Variants in ZNF844 observed in about 807,000 individuals in gnomAD.
ZNF844 encodes the protein zinc finger protein 844.
Under a neutral mutation model 11.4 loss-of-function variants are expected in ZNF844, and 11 were observed. The observed-to-expected ratio is 0.97, with a 90% confidence interval of 0.61 to 1.60. The LOEUF (loss-of-function observed/expected upper bound fraction) is 1.60, where lower values mean the gene tolerates loss of function less well. ZNF844 is among the 40% of genes most tolerant of loss of function. ZNF844 has a pLI of 0.00. For synonymous variants in ZNF844, 248 were observed against 260.3 expected, an observed-to-expected ratio of 0.95 and a Z score of 0.46; for missense variants, 790 against 796.8, an observed-to-expected ratio of 0.99 and a Z score of 0.10.
Position 12,077,188 on chromosome 19 carries a change from G to A in ZNF844, c.*67G>A. ...TCTGGTTCCTTTCAGTGTCATAAAA[G>A]GATTCACACTGGAGAGAAACCCTAT... On this transcript the variant is annotated 3_prime_UTR_variant, in exon 4 of 4. Coordinates refer to ENST00000439326, the MANE Select transcript of ZNF844 (RefSeq NM_001136501.3). 6.2e-7 allele frequency: 1 copy of A among 1,603,468 alleles called. No individual in the cohort carries two copies. Among genetic ancestry groups the A allele is most frequent in the Non-Finnish European group, 8.5e-7 (1 of 1,175,180 alleles).
In ZNF844 at chr19:12,076,444, A is replaced by G. The variant is rs750117999; in HGVS notation, c.1324A>G (p.Thr442Ala). Residue 442 changes from threonine (T) to alanine (A), a missense_variant, in exon 4 of 4, where the codon ACA becomes GCA. By Grantham distance (58) the Thr-to-Ala change is moderately conservative. Coordinates refer to ENST00000439326, the MANE Select transcript of ZNF844 (RefSeq NM_001136501.3). ...PLPFDIMKGL[T>A]LERNRMSVSN... ...TCCTTTCGATATCATGAAAGGACTC[A>G]CACTGGAGAGAAACCGTATGAGTGT... The G allele has an allele frequency of 1.9e-6, 3 of 1,614,104 alleles. No individual in the cohort carries two copies. The East Asian group carries it at 6.7e-5, about 36-fold the overall frequency.
chr19:12,067,580 T>G (rs988808699), intron 1 of ZNF844, among the ~76,000 whole-genome samples: 1 of 123,478 alleles, frequency 8.1e-6, no homozygotes, highest in Non-Finnish European at 1.6e-5. Context: ...GCACTATAGC[T>G]TGGGCAACAA....
At position 12,075,651 on chromosome 19, in the gene ZNF844, C is replaced by T; in HGVS notation, c.531C>T (p.Thr177=). ...KLYDCKECGK[T]FISHSSIQRH... ...ATGATTGTAAAGAATGTGGAAAAAC[C>T]TTCATATCCCATTCAAGCATTCAAA... The change falls in exon 4 of 4, where the codon ACC becomes ACT. Residue 177 remains threonine (T), a synonymous_variant. Coordinates refer to ENST00000439326, the MANE Select transcript of ZNF844 (RefSeq NM_001136501.3). 6.2e-7 allele frequency: 1 copy of T among 1,611,616 alleles called. No homozygotes were observed. The highest frequency in any genetic ancestry group is 8.5e-7 in the Non-Finnish European group (1 of 1,179,260).
intron 1 of ZNF844, among the ~76,000 whole-genome samples, chr19:12,070,439 G>A (rs2145544078): frequency 6.6e-6 from 1 of 152,298 alleles, no homozygotes; most frequent in East Asian, 1.9e-4. Context: ...ACTCTACCCT[G>A]TAGTCCTCTC....
rs553551075 is a variant in ZNF844 at position 12,065,211 on chromosome 19, T to G, written c.3+335T>G. 2.0e-3 allele frequency among the ~76,000 whole-genome samples: 302 copies of G among 152,150 alleles called. 1 individual carries two copies. Among genetic ancestry groups the G allele is most frequent in the African/African-American group, 6.8e-3 (281 of 41,562 alleles). On this transcript the variant is annotated intron_variant, in intron 1 of 3. Coordinates refer to ENST00000439326, the MANE Select transcript of ZNF844 (RefSeq NM_001136501.3). ...GGAGGGTCATGGGGGCAATCCCGCC[T>G]TGGGTGTGGGGCTCGTGCGGGAGGA... is the stretch of plus-strand genomic sequence containing the variant.
intron 3 of ZNF844, among the ~76,000 whole-genome samples, chr19:12,075,045 T>A (rs1975791667): frequency 6.6e-6 from 1 of 152,106 alleles, no homozygotes; most frequent in Non-Finnish European, 1.5e-5. Context: ...CTTTCCTGGA[T>A]AATGTTGAAA....
In ZNF844 at chr19:12,075,935, G is replaced by A; in HGVS notation, c.815G>A (p.Arg272Lys). The A allele has an allele frequency of 1.3e-6, 2 of 1,599,174 alleles. No individual in the cohort carries two copies. Among genetic ancestry groups the A allele is most frequent in the South Asian group, 1.1e-5 (1 of 89,738 alleles). Residue 272 changes from arginine (R) to lysine (K), a missense_variant, in exon 4 of 4, where the codon AGA (arginine) becomes AAA (lysine). By Grantham distance (26) the Arg-to-Lys change is conservative. This residue lies in a region of ZNF844 where 657 missense variants were observed against 636.2 expected (regional missense o/e 1.03). Transcript: ENST00000439326. ...FGSPNSLYEH[R>K]RTHTGEKPYE... is the part of the protein sequence containing the mutation. ...AGTCCCAATTCCCTTTATGAACATA[G>A]AAGAACTCACACTGGAGAGAAGCCA... is the stretch of plus-strand genomic sequence containing the variant.
chr19:12,066,129 T>A (rs1246029255), intron 1 of ZNF844, among the ~76,000 whole-genome samples: 1 of 151,982 alleles, frequency 6.6e-6, no homozygotes, highest in African/African-American at 2.4e-5. Context: ...TTTCGCCATG[T>A]TGCCCAGGCT....
At position 12,064,800 on chromosome 19, in the gene ZNF844, A is replaced by G. The variant is rs954260682; in HGVS notation, c.-74A>G. 1.0e-4 allele frequency: 152 copies of G among 1,520,378 alleles called. No homozygotes were observed. The highest frequency in any genetic ancestry group is 1.3e-4 in the Non-Finnish European group (149 of 1,127,176). 94.2% of individuals were successfully genotyped at this position (1,520,378 alleles called of 1,614,324 possible). The stretch of plus-strand genomic sequence containing the variant: ...CCTGCTCTGAGAGGGACCGGTTGCC[A>G]CCGCCATACTTCTGTCGCCCTGTCG... On this transcript the variant is annotated 5_prime_UTR_variant, in exon 1 of 4. Transcript: ENST00000439326.
rs1975780548 is a variant in ZNF844, at chr19:12,074,066, C to T, written c.39C>T (p.Phe13=). ...LVAFEDVAVN[F]TQEEWSLLDP... ...CTTTCGAGGATGTGGCTGTGAACTT[C>T]ACCCAGGAGGAGTGGTCTTTGCTGG... Residue 13 remains phenylalanine, a synonymous_variant, in exon 2 of 4, where the codon TTC becomes TTT. Transcript: ENST00000439326. The T allele has an allele frequency of 2.5e-6, 4 of 1,613,658 alleles. No homozygotes were observed. The highest frequency in any genetic ancestry group is 1.1e-5 in the South Asian group (1 of 91,080).
chr19:12,074,499 T>A, intron 3 of ZNF844, 78 bp downstream of exon 3: 1 of 998,312 alleles, frequency 1.0e-6, no homozygotes, highest in South Asian at 1.5e-5. Flanking sequence ...AAGAAGCAAA[T>A]AAAGGAAATA....
chr19:12,077,452 G>T lies in ZNF844; in HGVS notation c.*331G>T. On this transcript the variant is annotated 3_prime_UTR_variant, in exon 4 of 4. Coordinates refer to ENST00000439326, the MANE Select transcript of ZNF844 (RefSeq NM_001136501.3). ...CAGTATCATGAAAAGACCCACACCA[G>T]AGAGAAACACTATGAATGTAAGCAG... 1.6e-6 allele frequency: 1 copy of T among 620,338 alleles called. No individual in the cohort carries two copies. The highest frequency in any genetic ancestry group is 3.0e-6 in the Non-Finnish European group (1 of 328,090). 38.4% of individuals were successfully genotyped at this position (620,338 alleles called of 1,614,324 possible). A position where few individuals can be genotyped will look rare whatever the true frequency, so the allele number is the denominator to read the frequency against.
At position 12,065,636 on chromosome 19, in the gene ZNF844, ATTT is replaced by A. The variant is rs35958243; in HGVS notation, c.3+775_3+777del. On this transcript the variant is annotated intron_variant, in intron 1 of 3. Coordinates refer to ENST00000439326, the MANE Select transcript of ZNF844 (RefSeq NM_001136501.3). ...TTTTCTTTAATATTTTTTTCTTACA[ATTT>A]TTTTTTTTTTTTTTAAGACAGAGTC... Among the ~76,000 whole-genome samples the A allele has an allele frequency of 2.8e-3, 393 of 142,872 alleles. 7 individuals carry two copies. Among genetic ancestry groups the A allele is most frequent in the African/African-American group, 9.5e-3 (368 of 38,910 alleles). The allele number at this position is 142,872 out of a possible 152,430, so 93.7% of individuals were successfully genotyped here.
Position 12,076,793 on chromosome 19 carries a change from A to G in ZNF844, c.1673A>G (p.Asn558Ser), listed in dbSNP as rs773651127. The G allele has an allele frequency of 5.7e-6, 9 of 1,569,882 alleles. No individual in the cohort carries two copies. The African/African-American group carries it at 1.1e-4, about 19-fold the overall frequency. Residue 558 changes from asparagine to serine, a missense_variant, in exon 4 of 4, where the codon AAC becomes AGC. Coordinates refer to ENST00000439326, the MANE Select transcript of ZNF844 (RefSeq NM_001136501.3). Reference protein sequence around the residue: ...KFMKRHTLERNPIRNMEKHST... With the variant: ...KFMKRHTLERSPIRNMEKHST... ...ATGAAAAGACACACCCTGGAGAGAAACCCTATAAGGAATATGGAAAAGCAT... is the reference window on the plus strand; with the variant it reads ...ATGAAAAGACACACCCTGGAGAGAAGCCCTATAAGGAATATGGAAAAGCAT...
Position 12,080,289 on chromosome 19 carries a change from G to C in ZNF844, c.*3168G>C. The C allele has an allele frequency of 4.0e-6, 1 of 249,008 alleles. No individual in the cohort carries two copies. The highest frequency in any genetic ancestry group is 3.8e-5 in the South Asian group (1 of 26,084). The allele number at this position is 249,008 out of a possible 1,614,324, so 15.4% of individuals were successfully genotyped here. ...GGCGTGAATCCAGGAGGCAGAGCTT[G>C]CAGTGAACCGAGATCGCGCCACTGC... On this transcript the variant is annotated 3_prime_UTR_variant, in exon 4 of 4. Transcript: ENST00000439326.
At chr19:12,066,818 T>C (rs1252113306) in intron 1 of ZNF844, among the ~76,000 whole-genome samples, 1 of 151,932 alleles carries the variant, frequency 6.6e-6, no homozygotes, top group Admixed American at 6.6e-5. Flanking sequence ...AGTGCTGGGA[T>C]TACAGGCGTG....
intron 1 of ZNF844, among the ~76,000 whole-genome samples, chr19:12,066,442 C>G (rs1975688945): frequency 2.0e-5 from 3 of 151,980 alleles, no homozygotes; most frequent in East Asian, 2.0e-4. Context: ...TCTGTTCCCC[C>G]CGCCCCGACT....
intron 3 of ZNF844, 78 bp from the exon 4 acceptor site, chr19:12,075,234 T>C: frequency 2.9e-6 from 3 of 1,019,136 alleles, no homozygotes; most frequent in Non-Finnish European, 3.8e-6. Context: ...TAAAATAAAA[T>C]GCAAGTGTAA....
In ZNF844 at chr19:12,077,145, G is replaced by T; in HGVS notation, c.*24G>T. The T allele has an allele frequency of 5.0e-6, 8 of 1,601,772 alleles. No homozygotes were observed. Among genetic ancestry groups the T allele is most frequent in the Non-Finnish European group, 6.8e-6 (8 of 1,174,266 alleles). The stretch of plus-strand genomic sequence containing the variant: ...GAAACCGTATGAATGCAAGGAATGT[G>T]GCAAAGCCTTCACTTCTTCTGGTTC... On this transcript the variant is annotated 3_prime_UTR_variant, in exon 4 of 4. Transcript: ENST00000439326.
Sources: allele counts gnomAD v4.1 joint callset (sites outside exome capture counted in the v4.1 genomes callset), GRCh38; gene constraint gnomAD v4.1.1; regional missense constraint gnomAD v4.1.1; transcripts MANE v1.5; gene names NCBI Gene and HGNC (gene_info 2026-07-23, HGNC 2026-07-21).